Variants in RSF1 observed in about 807,000 individuals in gnomAD.
RSF1 encodes remodeling and spacing factor 1.
A neutral mutation model predicts 145.2 loss-of-function variants in RSF1; 13 were observed. The observed-to-expected ratio is 0.09, with a 90% CI of 0.06 to 0.14. The LOEUF (loss-of-function observed/expected upper bound fraction) is 0.14. RSF1 is among the 10% of genes least tolerant of loss of function. The pLI, the probability that RSF1 is intolerant of heterozygous loss-of-function variation, is 1.00. For missense variants in RSF1, 1,517 were observed against 1,718.2 expected (o/e 0.88, Z 2.07); for synonymous variants, 577 against 592.6 (o/e 0.97, Z 0.38).
At chr11:77,816,353 T>TA (rs1240778358) in intron 1 of RSF1, among the ~76,000 whole-genome samples, 1 of 152,218 alleles carries the variant, frequency 6.6e-6, no homozygotes, top group Non-Finnish European at 1.5e-5. Flanking sequence ...AATATATTGT[T>TA]ACACACAGAT....
chr11:77,780,720 G>A (rs1948393840), intron 1 of RSF1, among the ~76,000 whole-genome samples: 1 of 151,578 alleles, frequency 6.6e-6, no homozygotes, highest in Admixed American at 6.6e-5. Flanking sequence ...TGCTACTCGG[G>A]AGGCTGAAGC....
chr11:77,832,955 G>A, the RSF1 span, among the ~76,000 whole-genome samples: 79 of 9,126 alleles, frequency 8.7e-3, 1 homozygote, highest in Middle Eastern at 0.077. Flanking sequence ...ATATATATGT[G>A]TGTGTGTGTG....
chr11:77,725,972 C>G (rs559533444), intron 4 of RSF1, among the ~76,000 whole-genome samples: 1 of 151,902 alleles, frequency 6.6e-6, no homozygotes, highest in East Asian at 1.9e-4. Flanking sequence ...AAAGTAGGAA[C>G]AAAATTACAC....
chr11:77,714,099 ATTC>A (rs1960750625), intron 5 of RSF1, among the ~76,000 whole-genome samples: 1 of 152,182 alleles, frequency 6.6e-6, no homozygotes, highest in South Asian at 2.1e-4. Flanking sequence ...ACCTAACTCT[ATTC>A]TTCTCCCATA....
At chr11:77,803,774 T>A (rs1292950258) in intron 1 of RSF1, among the ~76,000 whole-genome samples, 1 of 151,430 alleles carries the variant, frequency 6.6e-6, no homozygotes, top group African/African-American at 2.4e-5. Flanking sequence ...TGAGACTTCA[T>A]CTCAAAAAAA....
chr11:77,667,552 C>A, intron 15 of RSF1, 61 bp from the exon 16 acceptor site: 1 of 1,433,184 alleles, frequency 7.0e-7, no homozygotes, highest in South Asian at 1.3e-5. Flanking sequence ...TTTAATTCTC[C>A]TTTTCCTCCC....
Position 77,672,241 on chromosome 11 carries a change from A to G in RSF1, c.3563-11T>C. 1 of 1,575,524 alleles carries G rather than the reference A, an allele frequency of 6.3e-7. No homozygotes were observed. Among genetic ancestry groups the G allele is most frequent in the Non-Finnish European group, 8.6e-7 (1 of 1,166,256 alleles). On this transcript the variant is annotated splice_polypyrimidine_tract_variant and intron_variant, in intron 14 of 15. Transcript: ENST00000308488. ...CACTGAAGTCACTTTCTATTTTAAA[A>G]AAAGGAAGAACAAAGTACAAAATTT... is the stretch of plus-strand genomic sequence containing the variant.
upstream of RSF1, chr11:77,821,004 G>T: frequency 2.0e-6 from 1 of 491,382 alleles, no homozygotes; most frequent in Non-Finnish European, 3.6e-6. Flanking sequence ...GTGTGACAGG[G>T]GGAATGAAAA....
At chr11:77,690,777 A>C (rs1028509926) in intron 9 of RSF1, among the ~76,000 whole-genome samples, 3 of 152,256 alleles carry the variant, frequency 2.0e-5, no homozygotes, top group Non-Finnish European at 2.9e-5. Context: ...AGGAAAGATA[A>C]TAAGCATGCA....
intron 4 of RSF1, among the ~76,000 whole-genome samples, chr11:77,735,523 T>A (rs1025254045): frequency 2.6e-5 from 4 of 152,150 alleles, no homozygotes; most frequent in African/African-American, 7.2e-5. Context: ...CTTTTAAGAA[T>A]TAGGTAGAAA....
At chr11:77,844,825 T>C in the RSF1 span, among the ~76,000 whole-genome samples, 1 of 152,224 alleles carries the variant, frequency 6.6e-6, no homozygotes, top group Non-Finnish European at 1.5e-5. Flanking sequence ...GTGGAGCGCC[T>C]CATGATGTAA....
the RSF1 span, among the ~76,000 whole-genome samples, chr11:77,857,333 G>A: frequency 6.6e-6 from 1 of 152,182 alleles, no homozygotes; most frequent in Non-Finnish European, 1.5e-5. Flanking sequence ...GTAAACAATG[G>A]TAACTAGCTT....
At chr11:77,718,169 G>A (rs1960859910) in intron 5 of RSF1, 1 of 152,322 alleles carries the variant, frequency 6.6e-6, no homozygotes, top group Non-Finnish European at 1.5e-5. Flanking sequence ...AGCTGGGCCT[G>A]GTGGCACACG....
intron 4 of RSF1, among the ~76,000 whole-genome samples, chr11:77,727,624 C>T (rs920789099): frequency 6.6e-6 from 1 of 151,684 alleles, no homozygotes; most frequent in Non-Finnish European, 1.5e-5. Context: ...TTACAGGCAC[C>T]CATCACCACG....
chr11:77,840,961 G>T, the RSF1 span: 2 of 488,862 alleles, frequency 4.1e-6, no homozygotes, highest in Non-Finnish European at 7.3e-6. Flanking sequence ...TCCTATAACT[G>T]AATACCTGAA....
At chr11:77,785,508 T>C (rs974793950) in intron 1 of RSF1, among the ~76,000 whole-genome samples, 1 of 151,918 alleles carries the variant, frequency 6.6e-6, no homozygotes, top group African/African-American at 2.4e-5. Context: ...GAGAATTGCT[T>C]GAACCTGGGA....
At chr11:77,707,062 G>A (rs181582706) in intron 5 of RSF1, among the ~76,000 whole-genome samples, 11 of 152,116 alleles carry the variant, frequency 7.2e-5, no homozygotes, top group East Asian at 3.9e-4. Flanking sequence ...AGGAATTAAC[G>A]GCTCCTTTTC....
chr11:77,668,765 C>A (rs1959441077), intron 15 of RSF1, among the ~76,000 whole-genome samples: 2 of 152,012 alleles, frequency 1.3e-5, no homozygotes, highest in African/African-American at 4.8e-5. Flanking sequence ...GAATATGACA[C>A]CATTTTATAT....
At chr11:77,688,827 T>G (rs1238568301) in intron 9 of RSF1, among the ~76,000 whole-genome samples, 2 of 152,152 alleles carry the variant, frequency 1.3e-5, no homozygotes, top group Admixed American at 6.5e-5. Context: ...CCTAGTCAAT[T>G]TGAGAGATTA....
Sources: gnomAD v4.1 joint callset for allele counts (sites outside exome capture counted in the v4.1 genomes callset) on GRCh38, gnomAD v4.1.1 for gene constraint, MANE v1.5 for transcripts, NCBI Gene and HGNC (gene_info 2026-07-23, HGNC 2026-07-21) for gene names.